FHIT: variants seen among roughly 807,000 people sequenced by gnomAD.
FHIT encodes fragile histidine triad diadenosine triphosphatase.
In FHIT, 19 loss-of-function variants were observed where a neutral mutation model predicts 17.9. The ratio of observed to expected loss-of-function variants is 1.06; its 90% confidence interval spans 0.74 to 1.56. FHIT has a LOEUF of 1.56. Ranked by LOEUF, FHIT falls within the 40% of genes most tolerant of loss-of-function variation. The probability of loss-of-function intolerance (pLI) is 0.00; values close to 1 mark genes in which losing one functional copy is unlikely to be tolerated. For missense variants in FHIT, 248 were observed against 189.2 expected (o/e 1.31, Z -1.82); for synonymous variants, 81 against 69.7 (o/e 1.16, Z -0.81).
In FHIT at chr3:60,029,885, GTGTGTGTGTGTC is replaced by G. The variant is rs1299751729; in HGVS notation, c.104-15745_104-15734del. Among the ~76,000 whole-genome samples the G allele has an allele frequency of 3.4e-4, 35 of 102,918 alleles. 1 individual carries two copies. The highest frequency in any genetic ancestry group is 1.0e-3 in the African/African-American group (30 of 29,620). 67.5% of individuals were successfully genotyped at this position (102,918 alleles called of 152,430 possible). Reference sequence around the variant, plus strand: ...AGATGTCCTCATAGAAGCATTGTGTGTGTGTGTGTGTCTGTGTGTGTGTGTGTGTGTGTGTGT... The same window carrying G: ...AGATGTCCTCATAGAAGCATTGTGTGTGTGTGTGTGTGTGTGTGTGTGTGT... On this transcript the variant is annotated intron_variant, in intron 5 of 9. Coordinates refer to ENST00000492590, the MANE Select transcript of FHIT (RefSeq NM_002012.4).
chr3:61,204,910 G>A (rs1195267330), intron 1 of FHIT, among the ~76,000 whole-genome samples: 5 of 151,864 alleles, frequency 3.3e-5, no homozygotes, highest in Non-Finnish European at 7.4e-5. Flanking sequence ...TGCCATGTTG[G>A]TGTGCTGCAC....
chr3:59,933,127 C>G (rs1245352502), intron 7 of FHIT, among the ~76,000 whole-genome samples: 1 of 152,142 alleles, frequency 6.6e-6, no homozygotes, highest in Non-Finnish European at 1.5e-5. Flanking sequence ...GCATCACCCA[C>G]TATTCTGAGG....
intron 5 of FHIT, among the ~76,000 whole-genome samples, chr3:60,388,577 G>A (rs1701104545): frequency 6.6e-6 from 1 of 152,084 alleles, no homozygotes; most frequent in Admixed American, 6.6e-5. Context: ...CTCCAGCCTG[G>A]GTGATAGAGA....
chr3:60,005,839 T>C (rs745993540), intron 7 of FHIT, among the ~76,000 whole-genome samples: 2 of 152,128 alleles, frequency 1.3e-5, no homozygotes, highest in Non-Finnish European at 2.9e-5. Flanking sequence ...AGAAAATCAT[T>C]TTCATCCTCA....
chr3:60,949,978 C>T (rs1269296542), intron 3 of FHIT, among the ~76,000 whole-genome samples: 1 of 152,178 alleles, frequency 6.6e-6, no homozygotes, highest in African/African-American at 2.4e-5. Context: ...TGATCAATGA[C>T]AGACCACATA....
At chr3:60,141,837 C>A (rs376259615) in intron 5 of FHIT, among the ~76,000 whole-genome samples, 1 of 152,120 alleles carries the variant, frequency 6.6e-6, no homozygotes, top group Non-Finnish European at 1.5e-5. Flanking sequence ...AGGACAGTTG[C>A]GCTAAACATA....
At chr3:60,032,426 T>G (rs1011761079) in intron 5 of FHIT, among the ~76,000 whole-genome samples, 1 of 151,358 alleles carries the variant, frequency 6.6e-6, no homozygotes, top group African/African-American at 2.4e-5. Context: ...CACTCCAGCC[T>G]AGGTGAAGGA....
At chr3:61,221,324 G>A (rs1268786431) in intron 1 of FHIT, among the ~76,000 whole-genome samples, 1 of 152,212 alleles carries the variant, frequency 6.6e-6, no homozygotes, top group African/African-American at 2.4e-5. Context: ...AATAGCACAG[G>A]TCCTCTCCCA....
chr3:60,256,356 C>A (rs1035062723), intron 5 of FHIT, among the ~76,000 whole-genome samples: 1 of 152,118 alleles, frequency 6.6e-6, no homozygotes, highest in African/African-American at 2.4e-5. Flanking sequence ...ACTAAATTTA[C>A]CCATTTTTCT....
At chr3:61,160,062 A>T (rs1418927039) in intron 2 of FHIT, among the ~76,000 whole-genome samples, 1 of 152,226 alleles carries the variant, frequency 6.6e-6, no homozygotes, top group Non-Finnish European at 1.5e-5. Flanking sequence ...ATCACATTCA[A>T]CAGTTTATTA....
chr3:60,170,343 G>A (rs1171335464), intron 5 of FHIT, among the ~76,000 whole-genome samples: 3 of 152,270 alleles, frequency 2.0e-5, no homozygotes, highest in South Asian at 4.2e-4. Context: ...ATATGATTCT[G>A]TAAATCCAAC....
chr3:61,123,674 C>T (rs1005893885), intron 2 of FHIT, among the ~76,000 whole-genome samples: 1 of 152,124 alleles, frequency 6.6e-6, no homozygotes, highest in African/African-American at 2.4e-5. Context: ...CTATCCCCCA[C>T]ATTATGCTTG....
At chr3:60,205,039 C>G (rs1052542837) in intron 5 of FHIT, among the ~76,000 whole-genome samples, 1 of 150,574 alleles carries the variant, frequency 6.6e-6, no homozygotes. Flanking sequence ...GAGGTTACAG[C>G]GAGCCAATAT....
At chr3:60,749,091 CA>C (rs1379948755) in intron 4 of FHIT, among the ~76,000 whole-genome samples, 7 of 152,034 alleles carry the variant, frequency 4.6e-5, no homozygotes, top group Non-Finnish European at 8.8e-5. Flanking sequence ...ACAGGAAAAA[CA>C]ATGAGAGATA....
chr3:60,414,098 A>T (rs943931353), intron 5 of FHIT, among the ~76,000 whole-genome samples: 1 of 152,236 alleles, frequency 6.6e-6, no homozygotes, highest in Non-Finnish European at 1.5e-5. Flanking sequence ...ATGCATTTAC[A>T]TACAGTGGTT....
chr3:61,060,379 T>C (rs2034384823), intron 2 of FHIT, among the ~76,000 whole-genome samples: 1 of 152,194 alleles, frequency 6.6e-6, no homozygotes, highest in Admixed American at 6.5e-5. Context: ...TGTACTTTAC[T>C]ATAGCTGAAC....
intron 5 of FHIT, among the ~76,000 whole-genome samples, chr3:60,167,426 A>G (rs1306150937): frequency 1.3e-5 from 2 of 152,214 alleles, no homozygotes; most frequent in Non-Finnish European, 2.9e-5. Context: ...GTACACACAC[A>G]CACATATTTG....
At chr3:60,611,096 C>A (rs2038771868) in intron 4 of FHIT, among the ~76,000 whole-genome samples, 1 of 152,180 alleles carries the variant, frequency 6.6e-6, no homozygotes, top group Non-Finnish European at 1.5e-5. Flanking sequence ...ATCTCAGGCT[C>A]ATTTAGCCCA....
intron 8 of FHIT, among the ~76,000 whole-genome samples, chr3:59,896,498 G>A (rs555348246): frequency 2.6e-5 from 4 of 152,128 alleles, no homozygotes; most frequent in Non-Finnish European, 5.9e-5. Context: ...CTAGCACCAA[G>A]AGTAACTCAG....
Sources: allele counts gnomAD v4.1 joint callset (sites outside exome capture counted in the v4.1 genomes callset), GRCh38; gene constraint gnomAD v4.1.1; transcripts MANE v1.5; gene names NCBI Gene and HGNC (gene_info 2026-07-23, HGNC 2026-07-21).